ESCO1: variants seen among roughly 807,000 people sequenced by gnomAD.
The protein encoded by ESCO1 is N-acetyltransferase ESCO1.
ESCO1 carries 33 observed loss-of-function variants against 83.5 expected under a neutral mutation model. That is an observed-to-expected ratio of 0.40 (90% confidence interval 0.30 to 0.53). ESCO1 has a LOEUF of 0.53. ESCO1 is among the 20% of genes least tolerant of loss of function. The pLI, the probability that ESCO1 is intolerant of heterozygous loss-of-function variation, is 0.63. For missense variants in ESCO1, 855 were observed against 968.0 expected (o/e 0.88, Z 1.55); for synonymous variants, 332 against 324.3 (o/e 1.02, Z -0.25).
At chr18:21,533,175 T>A (rs1344407923) in intron 10 of ESCO1, among the ~76,000 whole-genome samples, 2 of 149,046 alleles carry the variant, frequency 1.3e-5, no homozygotes, top group African/African-American at 2.5e-5. Flanking sequence ...GCAATCTCTT[T>A]AAAAAAAAAA....
intron 4 of ESCO1, among the ~76,000 whole-genome samples, chr18:21,571,862 C>A (rs1222633860): frequency 1.3e-5 from 2 of 152,184 alleles, no homozygotes; most frequent in East Asian, 1.9e-4. Flanking sequence ...TCTGAACAAT[C>A]ATCTTTTAAT....
At chr18:21,534,980 TG>T (rs2146167203) in intron 10 of ESCO1, among the ~76,000 whole-genome samples, 1 of 152,240 alleles carries the variant, frequency 6.6e-6, no homozygotes, top group South Asian at 2.1e-4. Flanking sequence ...GCAGTCCACC[TG>T]GTCTCTGTTG....
At chr18:21,550,664 C>T (rs1465429556) in intron 8 of ESCO1, among the ~76,000 whole-genome samples, 5 of 152,166 alleles carry the variant, frequency 3.3e-5, no homozygotes, top group Non-Finnish European at 7.3e-5. Flanking sequence ...AATTCCACTC[C>T]ACCTCTACAG....
intron 7 of ESCO1, among the ~76,000 whole-genome samples, chr18:21,564,001 C>T (rs1012511871): frequency 1.3e-5 from 2 of 152,004 alleles, no homozygotes; most frequent in Non-Finnish European, 2.9e-5. Context: ...TGCACATGAG[C>T]TCACTCCCTT....
intron 7 of ESCO1, 53 bp downstream of exon 7, chr18:21,564,149 AT>A (rs1490341761): frequency 2.7e-6 from 3 of 1,129,518 alleles, no homozygotes; most frequent in Non-Finnish European, 3.9e-6. Flanking sequence ...AACATGAAAT[AT>A]ACTAAGATGG....
intron 3 of ESCO1, 52 bp from the exon 4 acceptor site, chr18:21,575,482 C>A: frequency 2.5e-6 from 1 of 398,194 alleles, no homozygotes; most frequent in South Asian, 1.3e-4. Context: ...TGAAATATGT[C>A]AATGCTAATA....
rs776567787 is a variant in ESCO1 at position 21,574,737 on chromosome 18, G to C, written c.107C>G (p.Ala36Gly). Residue 36 changes from alanine (A) to glycine (G), a missense_variant, in exon 4 of 12, where the codon GCA becomes GGA. Coordinates refer to ENST00000269214, the MANE Select transcript of ESCO1 (RefSeq NM_052911.3). ...AGTCTCCTTTGGACCTGATTTTTTT[G>C]CTAGATTCTTTTGAGAATCCTGAAT... ...TEIQDSQKNL[A>G]KKSGPKETIK... 6.2e-7 allele frequency: 1 copy of C among 1,610,204 alleles called. No individual in the cohort carries two copies. The highest frequency in any genetic ancestry group is 2.2e-5 in the East Asian group (1 of 44,836).
chr18:21,554,778 G>A (rs781419360), intron 8 of ESCO1, among the ~76,000 whole-genome samples: 4 of 151,978 alleles, frequency 2.6e-5, no homozygotes, highest in Non-Finnish European at 5.9e-5. Context: ...GAGTGGTGGT[G>A]CACAACTGCA....
At chr18:21,544,766 G>C (rs1285427291) in intron 8 of ESCO1, among the ~76,000 whole-genome samples, 1 of 152,210 alleles carries the variant, frequency 6.6e-6, no homozygotes, top group Non-Finnish European at 1.5e-5. Flanking sequence ...GTACAAAGGG[G>C]TTCATTACTC....
chr18:21,536,494 G>A (rs1016724484), intron 9 of ESCO1, among the ~76,000 whole-genome samples: 10 of 151,144 alleles, frequency 6.6e-5, no homozygotes, highest in Admixed American at 1.3e-4. Context: ...TGGAGGCTGA[G>A]ACAGGAGAAT....
At chr18:21,542,433 T>C (rs528427168) in intron 8 of ESCO1, among the ~76,000 whole-genome samples, 15 of 152,352 alleles carry the variant, frequency 9.8e-5, no homozygotes, top group African/African-American at 3.6e-4. Context: ...TGGTAGTTAC[T>C]AGATGCATGG....
At chr18:21,547,612 T>C (rs1458992882) in intron 8 of ESCO1, among the ~76,000 whole-genome samples, 2 of 152,176 alleles carry the variant, frequency 1.3e-5, no homozygotes, top group Admixed American at 6.5e-5. Context: ...TATACTTCAA[T>C]GTTTCTGAAT....
intron 9 of ESCO1, among the ~76,000 whole-genome samples, chr18:21,537,908 T>C (rs1299054047): frequency 6.6e-6 from 1 of 152,058 alleles, no homozygotes; most frequent in Non-Finnish European, 1.5e-5. Flanking sequence ...TCCACTTATA[T>C]GTAGGGCTTT....
At chr18:21,579,542 C>T (rs1252101681) in intron 2 of ESCO1, among the ~76,000 whole-genome samples, 1 of 151,722 alleles carries the variant, frequency 6.6e-6, no homozygotes, top group East Asian at 2.0e-4. Context: ...GAGGCCAAGG[C>T]AGGTGAATCA....
chr18:21,568,156 G>A (rs2038288633), intron 4 of ESCO1, 62 bp from the exon 5 acceptor site: 5 of 1,257,394 alleles, frequency 4.0e-6, no homozygotes, highest in African/African-American at 1.5e-5. Context: ...TAAACTTTCA[G>A]TAAATTTTAG....
intron 2 of ESCO1, among the ~76,000 whole-genome samples, chr18:21,580,218 CCTTT>C (rs1209828841): frequency 6.6e-6 from 1 of 151,746 alleles, no homozygotes; most frequent in Non-Finnish European, 1.5e-5. Context: ...TTTTTTTCAG[CCTTT>C]CTATGTTTCT....
chr18:21,574,592 A>G lies in ESCO1; in HGVS notation c.252T>C (p.Asn84=). 6.2e-7 allele frequency: 1 copy of G among 1,613,984 alleles called. No individual in the cohort carries two copies. The highest frequency in any genetic ancestry group is 8.5e-7 in the Non-Finnish European group (1 of 1,179,972). The change falls in exon 4 of 12, where the codon AAT becomes AAC. Residue 84 remains asparagine, a synonymous_variant. Transcript: ENST00000269214. ...ATCCCCTCACAGTCACCGTATTTTT[A>G]TTAATGGATTTAGTAGCTTTATCAT... ...ASNDKATKSI[N]KNTVTVRGYS...
intron 6 of ESCO1, among the ~76,000 whole-genome samples, chr18:21,564,889 G>A (rs116238971): frequency 0.15 from 22,565 of 151,262 alleles, 1,915 homozygotes; most frequent in Middle Eastern, 0.26. Context: ...GTGAAACCCC[G>A]TTTCTACTAA....
chr18:21,560,766 T>C, intron 8 of ESCO1, 93 bp downstream of exon 8: 1 of 1,476,926 alleles, frequency 6.8e-7, no homozygotes, highest in South Asian at 1.3e-5. Flanking sequence ...AAAACATAAA[T>C]TTTTCAGTGA....
Sources: allele counts gnomAD v4.1 joint callset (sites outside exome capture counted in the v4.1 genomes callset), GRCh38; gene constraint gnomAD v4.1.1; transcripts MANE v1.5; gene names NCBI Gene and HGNC (gene_info 2026-07-23, HGNC 2026-07-21).